GAD2: variants seen among roughly 807,000 people sequenced by gnomAD.
GAD2 encodes the protein glutamate decarboxylase 2.
Under a neutral mutation model 80.1 loss-of-function variants are expected in GAD2, and 22 were observed. That is an observed-to-expected ratio of 0.27 (90% CI 0.20 to 0.39). GAD2 has a LOEUF of 0.39. GAD2 is among the 10% of genes least tolerant of loss of function. GAD2 has a pLI of 1.00. For missense variants in GAD2, 624 were observed against 738.4 expected (o/e 0.85, Z 1.80); for synonymous variants, 274 against 256.9 (o/e 1.07, Z -0.64).
At chr10:26,253,946 G>A (rs1380409152) in intron 8 of GAD2, among the ~76,000 whole-genome samples, 1 of 152,096 alleles carries the variant, frequency 6.6e-6, no homozygotes, top group East Asian at 1.9e-4. Flanking sequence ...GTGAGGGGCG[G>A]GGGTGGCAGA....
chr10:26,285,491 G>T (rs8190766), intron 12 of GAD2, among the ~76,000 whole-genome samples: 1 of 152,166 alleles, frequency 6.6e-6, no homozygotes. Flanking sequence ...ATTGAAACAC[G>T]GGGTTTTTAG....
At chr10:26,269,089 A>G (rs1371776199) in intron 8 of GAD2, 30 bp from the exon 9 acceptor site, 16 of 1,561,712 alleles carry the variant, frequency 1.0e-5, no homozygotes, top group Non-Finnish European at 1.4e-5. Flanking sequence ...AAATTATTCA[A>G]AGCAAATCTA....
At chr10:26,245,145 C>A (rs1844788941) in intron 7 of GAD2, among the ~76,000 whole-genome samples, 1 of 138,378 alleles carries the variant, frequency 7.2e-6, no homozygotes, top group Non-Finnish European at 1.5e-5. Flanking sequence ...AAGAGCAAAA[C>A]TCTGTCTCAA....
chr10:26,220,573 C>A (rs1005503528), intron 4 of GAD2, among the ~76,000 whole-genome samples: 2 of 152,006 alleles, frequency 1.3e-5, no homozygotes, highest in African/African-American at 4.8e-5. Flanking sequence ...CATGAAGAAC[C>A]CACGTGATGT....
At chr10:26,269,070 C>A in intron 8 of GAD2, 49 bp from the exon 9 acceptor site, 1 of 1,457,454 alleles carries the variant, frequency 6.9e-7, no homozygotes, top group Non-Finnish European at 9.4e-7. Flanking sequence ...GTTGTAAAGA[C>A]GATGAAGCAA....
chr10:26,289,793 C>CT (rs35001308), intron 13 of GAD2, among the ~76,000 whole-genome samples: 7,376 of 135,902 alleles, frequency 0.054, 671 homozygotes, highest in African/African-American at 0.19. Context: ...TCCCCCCCAC[C>CT]TTTTTTTTTT....
At chr10:26,273,517 G>A in intron 10 of GAD2, 119 bp from the exon 11 acceptor site, 1 of 765,972 alleles carries the variant, frequency 1.3e-6, no homozygotes, top group Middle Eastern at 2.3e-4. Context: ...GCCAGAAGGA[G>A]GTGGTCAACT....
chr10:26,294,505 C>G lies in GAD2; in HGVS notation c.1584+1514C>G, dbSNP rs185653086. On this transcript the variant is annotated intron_variant, in intron 15 of 15. Transcript: ENST00000376261. ...GAAACTTCATAAAAGACACTAGTGA[C>G]CAGGTCTCACCCTGAAAATGTAATC... 1.2e-4 allele frequency among the ~76,000 whole-genome samples: 18 copies of G among 152,272 alleles called. No individual in the cohort carries two copies. In the East Asian group the frequency reaches 2.7e-3, roughly 23 times the overall value.
chr10:26,249,498 T>C (rs1473544999), intron 8 of GAD2, among the ~76,000 whole-genome samples: 1 of 152,188 alleles, frequency 6.6e-6, no homozygotes, highest in African/African-American at 2.4e-5. Context: ...GAGCCTGGAG[T>C]TGAGGGAAGA....
intron 13 of GAD2, 63 bp downstream of exon 13, chr10:26,286,557 T>G: frequency 6.9e-7 from 1 of 1,449,776 alleles, no homozygotes; most frequent in Non-Finnish European, 9.2e-7. Context: ...GTGACCCCAT[T>G]ATGAAATGTC....
rs201706752 is a variant in GAD2, at chr10:26,236,302, CT to C, written c.840+6540del. Among the ~76,000 whole-genome samples, 206 of 137,392 alleles carry C rather than the reference CT, an allele frequency of 1.5e-3. 1 individual carries two copies. The highest frequency in any genetic ancestry group is 0.011 in the Middle Eastern group (3 of 264). The allele number at this position is 137,392 out of a possible 152,430, so 90.1% of individuals were successfully genotyped here. A position where few individuals can be genotyped will look rare whatever the true frequency, so the allele number is the denominator to read the frequency against. On this transcript the variant is annotated intron_variant, in intron 7 of 15. Coordinates refer to ENST00000376261, the MANE Select transcript of GAD2 (RefSeq NM_001134366.2). ...GAAAGATGACTTTCTTTTCTTTTTTCTTTTTTTTTTTTTTTGAGATGGAGTC... is the reference window on the plus strand; with the variant it reads ...GAAAGATGACTTTCTTTTCTTTTTTCTTTTTTTTTTTTTTGAGATGGAGTC...
intron 12 of GAD2, among the ~76,000 whole-genome samples, chr10:26,282,022 G>A (rs1012434534): frequency 2.0e-5 from 3 of 151,970 alleles, no homozygotes; most frequent in Admixed American, 1.3e-4. Flanking sequence ...GGCACACTGC[G>A]ATCTCTGCCT....
At chr10:26,254,994 T>G (rs1014087528) in intron 8 of GAD2, among the ~76,000 whole-genome samples, 3 of 152,130 alleles carry the variant, frequency 2.0e-5, no homozygotes, top group African/African-American at 7.2e-5. Context: ...GATACTGAGT[T>G]TGACGAGGTT....
At position 26,292,902 on chromosome 10, in the gene GAD2, C is replaced by T; in HGVS notation, c.1495C>T (p.Pro499Ser). ...EGYEMVFDGK[P>S]QHTNVCFWYI... ...GTGAATCTTCCTTTCCTCTTTGTAG[C>T]CTCAGCACACAAATGTCTGCTTCTG... is the stretch of plus-strand genomic sequence containing the variant. The change falls in exon 15 of 16, where the codon CCT becomes TCT. Residue 499 changes from proline (P) to serine (S), a missense_variant and splice_region_variant. Pro to Ser is a moderately conservative substitution (Grantham distance 74). Coordinates refer to ENST00000376261, the MANE Select transcript of GAD2 (RefSeq NM_001134366.2). 6.2e-7 allele frequency: 1 copy of T among 1,613,120 alleles called. No homozygotes were observed. Among genetic ancestry groups the T allele is most frequent in the Non-Finnish European group, 8.5e-7 (1 of 1,179,170 alleles).
intron 8 of GAD2, among the ~76,000 whole-genome samples, chr10:26,265,903 G>A (rs140777883): frequency 1.8e-4 from 28 of 152,326 alleles, no homozygotes; most frequent in African/African-American, 5.8e-4. Context: ...GTCAGAGGAT[G>A]GACAAGGCTA....
chr10:26,297,352 C>CT (rs1241719339), intron 15 of GAD2, among the ~76,000 whole-genome samples: 2 of 152,146 alleles, frequency 1.3e-5, no homozygotes, highest in African/African-American at 4.8e-5. Flanking sequence ...TCTGTGATAT[C>CT]TTTTAAGTTT....
intron 4 of GAD2, among the ~76,000 whole-genome samples, chr10:26,222,139 G>T (rs1488133421): frequency 1.3e-5 from 2 of 152,154 alleles, no homozygotes. Flanking sequence ...GGCAGAGCAA[G>T]GTCAAAATAT....
chr10:26,291,566 G>A (rs1371492394), intron 13 of GAD2, among the ~76,000 whole-genome samples: 1 of 152,126 alleles, frequency 6.6e-6, no homozygotes, highest in Non-Finnish European at 1.5e-5. Context: ...CAGGCAAGTG[G>A]GCCCATCTCA....
intron 8 of GAD2, among the ~76,000 whole-genome samples, chr10:26,266,305 C>A (rs1845072752): frequency 6.6e-6 from 1 of 152,058 alleles, no homozygotes; most frequent in East Asian, 1.9e-4. Flanking sequence ...AATCAAAATC[C>A]CTAAGAATGG....
Sources: gnomAD v4.1 joint callset for allele counts (sites outside exome capture counted in the v4.1 genomes callset) on GRCh38, gnomAD v4.1.1 for gene constraint, MANE v1.5 for transcripts, NCBI Gene and HGNC (gene_info 2026-07-23, HGNC 2026-07-21) for gene names.